The following CREB3L1 variants were observed in gnomAD, a reference collection of about 807,000 sequenced individuals.
CREB3L1 encodes cyclic AMP-responsive element-binding protein 3-like protein 1.
Under a neutral mutation model 54.5 loss-of-function variants are expected in CREB3L1, and 33 were observed. The ratio of observed to expected loss-of-function variants is 0.61; its 90% CI spans 0.46 to 0.81. The LOEUF (loss-of-function observed/expected upper bound fraction) is 0.81. CREB3L1 is among the 30% of genes least tolerant of loss of function. The pLI is 0.00. For missense variants in CREB3L1, 656 were observed against 673.3 expected (o/e 0.97, Z 0.29); for synonymous variants, 284 against 286.4 (o/e 0.99, Z 0.08).
rs148182649 is a variant in CREB3L1, at chr11:46,291,069, C to T, written c.103-8866C>T. ...GGAAATGCTTGCCACAGAGGTGGGC[C>T]AGGGTATGATGGCAGGAGGGAGGCA... On this transcript the variant is annotated intron_variant, in intron 1 of 11. Coordinates refer to ENST00000621158, the MANE Select transcript of CREB3L1 (RefSeq NM_052854.4). Among the ~76,000 whole-genome samples, 353 of 152,236 alleles carry T rather than the reference C, an allele frequency of 2.3e-3. 1 individual carries two copies. The highest frequency in any genetic ancestry group is 8.1e-3 in the African/African-American group (337 of 41,548).
At position 46,312,998 on chromosome 11, in the gene CREB3L1, C is replaced by T. The variant is rs1000406499; in HGVS notation, c.1031+79C>T. The T allele has an allele frequency of 7.3e-6, 8 of 1,095,510 alleles. No homozygotes were observed. In the East Asian group the frequency reaches 1.8e-4, roughly 25 times the overall value. The allele number at this position is 1,095,510 out of a possible 1,614,324, so 67.9% of individuals were successfully genotyped here. ...CCTGGCTCTGCATAGCTCTGGGAGA[C>T]AGGGGAGAGGAGAGAGAACTAAGTT... is the stretch of plus-strand genomic sequence containing the variant. On this transcript the variant is annotated intron_variant, in intron 8 of 11. Coordinates refer to ENST00000621158, the MANE Select transcript of CREB3L1 (RefSeq NM_052854.4).
At chr11:46,282,160 G>A (rs752953010) in intron 1 of CREB3L1, among the ~76,000 whole-genome samples, 2 of 152,120 alleles carry the variant, frequency 1.3e-5, no homozygotes, top group African/African-American at 2.4e-5. Context: ...TGGATGGATG[G>A]ATGAAGAAAA....
intron 1 of CREB3L1, among the ~76,000 whole-genome samples, chr11:46,293,678 G>A (rs2136340868): frequency 1.3e-5 from 2 of 152,302 alleles, no homozygotes; most frequent in South Asian, 4.1e-4. Flanking sequence ...CAGTGTCCCA[G>A]CCCCATGCAA....
chr11:46,297,679 A>C (rs570031903), intron 1 of CREB3L1, among the ~76,000 whole-genome samples: 1 of 152,228 alleles, frequency 6.6e-6, no homozygotes, highest in Non-Finnish European at 1.5e-5. Context: ...TAGGATGATG[A>C]TTGATTGCTG....
intron 10 of CREB3L1, among the ~76,000 whole-genome samples, chr11:46,319,893 G>A (rs1177493264): frequency 6.8e-5 from 10 of 146,058 alleles, no homozygotes; most frequent in South Asian, 2.1e-4. Context: ...AAAAAAAAAA[G>A]GGAGATAGAG....
At chr11:46,296,320 T>G (rs1440546854) in intron 1 of CREB3L1, among the ~76,000 whole-genome samples, 1 of 150,880 alleles carries the variant, frequency 6.6e-6, no homozygotes, top group East Asian at 2.0e-4. Context: ...GTGGAAGGAG[T>G]GAGAGGACCA....
chr11:46,294,457 A>G (rs561502108), intron 1 of CREB3L1, among the ~76,000 whole-genome samples: 19 of 152,264 alleles, frequency 1.2e-4, no homozygotes, highest in Admixed American at 1.2e-3. Context: ...CGCTTCCATA[A>G]AGACACAGAC....
intron 1 of CREB3L1, among the ~76,000 whole-genome samples, chr11:46,291,499 C>G (rs970441325): frequency 1.3e-5 from 2 of 152,172 alleles, no homozygotes; most frequent in Admixed American, 6.5e-5. Context: ...AGAACCAGGT[C>G]CGTCTGACTC....
chr11:46,310,846 A>T, intron 4 of CREB3L1, 186 bp from the exon 5 acceptor site: 1 of 800,842 alleles, frequency 1.2e-6, no homozygotes, highest in Non-Finnish European at 1.8e-6. Context: ...GGAATTGGCT[A>T]CCCAGATGTC....
At chr11:46,305,654 A>G (rs1470541644) in intron 2 of CREB3L1, among the ~76,000 whole-genome samples, 14 of 100,128 alleles carry the variant, frequency 1.4e-4, no homozygotes, top group African/African-American at 5.2e-4. Flanking sequence ...ATATGTGTGT[A>G]TATATGTGTG....
chr11:46,310,785 C>T (rs1387205764), intron 4 of CREB3L1: 5 of 458,096 alleles, frequency 1.1e-5, no homozygotes, highest in Admixed American at 8.3e-5. Context: ...ATGCCAAGGG[C>T]GAGCTTGTAA....
intron 8 of CREB3L1, among the ~76,000 whole-genome samples, chr11:46,314,199 C>T (rs923841222): frequency 4.6e-5 from 7 of 150,854 alleles, no homozygotes; most frequent in African/African-American, 7.3e-5. Context: ...GATGGTGCCA[C>T]CGTACTCCAG....
intron 1 of CREB3L1, among the ~76,000 whole-genome samples, chr11:46,289,916 G>A (rs981195791): frequency 1.3e-5 from 2 of 152,172 alleles, no homozygotes; most frequent in Admixed American, 6.5e-5. Flanking sequence ...TCAGTGCTAG[G>A]AGGCCTGCGG....
At chr11:46,288,532 T>C (rs1253886390) in intron 1 of CREB3L1, among the ~76,000 whole-genome samples, 1 of 152,230 alleles carries the variant, frequency 6.6e-6, no homozygotes, top group African/African-American at 2.4e-5. Flanking sequence ...TGCAGAGCCC[T>C]GATCACGGGG....
At chr11:46,287,355 G>C (rs1017894444) in intron 1 of CREB3L1, among the ~76,000 whole-genome samples, 7 of 152,036 alleles carry the variant, frequency 4.6e-5, no homozygotes, top group South Asian at 4.1e-4. Flanking sequence ...CTGGAGTGTA[G>C]TGGCACAAAC....
At position 46,314,053 on chromosome 11, in the gene CREB3L1, A is replaced by G. The variant is rs564904093; in HGVS notation, c.1031+1134A>G. On this transcript the variant is annotated intron_variant, in intron 8 of 11. Transcript: ENST00000621158. Reference sequence around the variant, plus strand: ...AGAGTTCGAGACCAGCCTGGCCAACATGGTGAAACCCCCATCTCTACTAAA... The same window carrying G: ...AGAGTTCGAGACCAGCCTGGCCAACGTGGTGAAACCCCCATCTCTACTAAA... Among the ~76,000 whole-genome samples, 26 of 152,230 alleles carry G rather than the reference A, an allele frequency of 1.7e-4. 1 individual carries two copies. The East Asian group carries it at 3.3e-3, about 19-fold the overall frequency.
In CREB3L1 at chr11:46,320,495, A is replaced by C; in HGVS notation, c.1490A>C (p.Asp497Ala). 6.3e-7 allele frequency: 1 copy of C among 1,584,506 alleles called. No homozygotes were observed. The highest frequency in any genetic ancestry group is 8.6e-7 in the Non-Finnish European group (1 of 1,166,532). ...PKDGGNGTSP[D>A]FSHSKEWFHD... ...GACGGTGGAAACGGCACCAGCCCCG[A>C]CTTCTCCCACTCCAAGGAGTGGTTC... The change falls in exon 11 of 12, where the codon GAC (aspartate) becomes GCC (alanine). Residue 497 changes from aspartate (D) to alanine (A), a missense_variant. Physicochemically the swap from Asp to Ala is moderately radical, Grantham distance 126. Around this residue, in one of 3 missense-constraint regions of CREB3L1, gnomAD observed 240 missense variants for 219.8 expected, o/e 1.09. Coordinates refer to ENST00000621158, the MANE Select transcript of CREB3L1 (RefSeq NM_052854.4).
chr11:46,278,461 G>T lies in CREB3L1; in HGVS notation c.102+248G>T, dbSNP rs1938914039. 6.6e-6 allele frequency among the ~76,000 whole-genome samples: 1 copy of T among 152,222 alleles called. No homozygotes were observed. Among genetic ancestry groups the T allele is most frequent in the Non-Finnish European group, 1.5e-5 (1 of 68,028 alleles). On this transcript the variant is annotated intron_variant, in intron 1 of 11. Transcript: ENST00000621158. The surrounding 1 kb of genome is among the most constrained non-coding windows in gnomAD (Gnocchi z 4.2). ...AGGTATCGGGTCCGTCCGATCCTCG[G>T]ATCTGAGCTCAAGAGACACCAATCC...
chr11:46,306,992 C>G (rs1412236259), intron 2 of CREB3L1, among the ~76,000 whole-genome samples: 1 of 152,034 alleles, frequency 6.6e-6, no homozygotes, highest in Non-Finnish European at 1.5e-5. Flanking sequence ...TCCTGCCTGC[C>G]TCAGCCTCCT....
Sources: allele counts gnomAD v4.1 joint callset (sites outside exome capture counted in the v4.1 genomes callset), GRCh38; gene constraint gnomAD v4.1.1; regional missense constraint gnomAD v4.1.1; non-coding constraint Gnocchi (gnomAD v3.1); transcripts MANE v1.5; gene names NCBI Gene and HGNC (gene_info 2026-07-23, HGNC 2026-07-21).